The following KIRREL3 variants were observed in gnomAD, a reference collection of about 807,000 sequenced individuals.
The protein encoded by KIRREL3 is kin of IRRE-like protein 3.
In KIRREL3, 36 loss-of-function variants were observed where a neutral mutation model predicts 89.7. That is an observed-to-expected ratio of 0.40 (90% CI 0.31 to 0.53). The LOEUF (loss-of-function observed/expected upper bound fraction) is 0.53. Ranked by LOEUF, KIRREL3 falls within the 20% of genes least tolerant of loss-of-function variation. The pLI is 0.49. For missense variants in KIRREL3, 864 were observed against 1,056.6 expected (o/e 0.82, Z 2.53); for synonymous variants, 445 against 441.4 (o/e 1.01, Z -0.10).
In KIRREL3 at chr11:126,535,526, G is replaced by A. The variant is rs908365542; in HGVS notation, c.134-8839C>T. ...GGAAGGCGCAGATTACAAGGGCCAC[G>A]TCACTCGGTGTGATGGTCTTAGGGC... is the stretch of plus-strand genomic sequence containing the variant. On this transcript the variant is annotated intron_variant, in intron 2 of 16. Coordinates refer to ENST00000525144, the MANE Select transcript of KIRREL3 (RefSeq NM_032531.4). The surrounding 1 kb of genome is among the most constrained non-coding windows in gnomAD (Gnocchi z 4.5). Among the ~76,000 whole-genome samples the A allele has an allele frequency of 3.9e-5, 6 of 152,178 alleles. No homozygotes were observed. Among genetic ancestry groups the A allele is most frequent in the Non-Finnish European group, 8.8e-5 (6 of 68,038 alleles).
intron 1 of KIRREL3, among the ~76,000 whole-genome samples, chr11:126,638,062 A>T (rs1944333116): frequency 6.6e-6 from 1 of 152,222 alleles, no homozygotes; most frequent in African/African-American, 2.4e-5. Context: ...AGGCTCAACA[A>T]ATGGAAACCT....
rs1278677506 is a variant in KIRREL3 at position 126,520,999 on chromosome 11, T to C, written c.433+316A>G. On this transcript the variant is annotated intron_variant, in intron 4 of 16. Coordinates refer to ENST00000525144, the MANE Select transcript of KIRREL3 (RefSeq NM_032531.4). The surrounding 1 kb of genome is among the most constrained non-coding windows in gnomAD (Gnocchi z 4.9). ...GGCACGGAGCCTAGCCTAGATAACG[T>C]GTGCAGAGCATGCTTTCTGATGGAA... Among the ~76,000 whole-genome samples, 1 of 152,146 alleles carries C rather than the reference T, an allele frequency of 6.6e-6. No individual in the cohort carries two copies. The highest frequency in any genetic ancestry group is 1.9e-4 in the East Asian group (1 of 5,192).
In KIRREL3 at chr11:126,830,870, A is replaced by G. The variant is rs1210643142; in HGVS notation, c.55+169585T>C. On this transcript the variant is annotated intron_variant, in intron 1 of 16. Transcript: ENST00000525144. The surrounding 1 kb of genome is among the most constrained non-coding windows in gnomAD (Gnocchi z 4.9). The stretch of plus-strand genomic sequence containing the variant: ...TCCTTTATTAGAGCAATCAGAAAAA[A>G]GATCACATAATTACCAAGATGTTGC... Among the ~76,000 whole-genome samples, 1 of 152,212 alleles carries G rather than the reference A, an allele frequency of 6.6e-6. No homozygotes were observed. The highest frequency in any genetic ancestry group is 1.5e-5 in the Non-Finnish European group (1 of 68,042).
At position 126,890,073 on chromosome 11, in the gene KIRREL3, G is replaced by GC. The variant is rs1307369021; in HGVS notation, c.55+110381_55+110382insG. ...AATCACAAATAACTATCTGGTGGAG[G>GC]ATCTTGTGTCCTTTCATTCTAGGGG... On this transcript the variant is annotated intron_variant, in intron 1 of 16. Transcript: ENST00000525144. This position sits in a 1 kb window ranked among gnomAD's most constrained non-coding sequence, Gnocchi z 5.1. Among the ~76,000 whole-genome samples, 1 of 152,176 alleles carries GC rather than the reference G, an allele frequency of 6.6e-6. No homozygotes were observed. Among genetic ancestry groups the GC allele is most frequent in the African/African-American group, 2.4e-5 (1 of 41,428 alleles).
At chr11:126,741,315 A>G (rs918258308) in intron 1 of KIRREL3, among the ~76,000 whole-genome samples, 1 of 152,196 alleles carries the variant, frequency 6.6e-6, no homozygotes, top group African/African-American at 2.4e-5. Flanking sequence ...TTAATGATAC[A>G]GTCTTTATGG....
Position 126,709,189 on chromosome 11 carries a change from A to C in KIRREL3, c.56-146277T>G, listed in dbSNP as rs935605257. ...AAAGTGTGTTTGATTATCCTTAAGC[A>C]AAAAGGTCAAGAAATTATTAGATCA... On this transcript the variant is annotated intron_variant, in intron 1 of 16. Transcript: ENST00000525144. This position sits in a 1 kb window ranked among gnomAD's most constrained non-coding sequence, Gnocchi z 4.0. 6.6e-6 allele frequency among the ~76,000 whole-genome samples: 1 copy of C among 152,242 alleles called. No homozygotes were observed. The highest frequency in any genetic ancestry group is 1.5e-5 in the Non-Finnish European group (1 of 68,044).
At chr11:126,674,364 G>T (rs939504799) in intron 1 of KIRREL3, among the ~76,000 whole-genome samples, 1 of 152,204 alleles carries the variant, frequency 6.6e-6, no homozygotes, top group Admixed American at 6.5e-5. Context: ...GCCAGACCTT[G>T]TTCTCATAAG....
intron 1 of KIRREL3, among the ~76,000 whole-genome samples, chr11:126,971,399 G>A (rs1223128295): frequency 6.6e-6 from 1 of 152,152 alleles, no homozygotes; most frequent in African/African-American, 2.4e-5. Flanking sequence ...TAACAGCTAG[G>A]TGTGAAAATG....
At chr11:126,846,753 G>A (rs1045576055) in intron 1 of KIRREL3, among the ~76,000 whole-genome samples, 3 of 152,120 alleles carry the variant, frequency 2.0e-5, no homozygotes, top group African/African-American at 7.2e-5. Context: ...ATTATAAGAA[G>A]CTGTGAGAAT....
chr11:126,472,952 C>A (rs1388827700), intron 5 of KIRREL3, among the ~76,000 whole-genome samples: 1 of 118,546 alleles, frequency 8.4e-6, no homozygotes, highest in Non-Finnish European at 1.7e-5. Context: ...CTAAGCCCAG[C>A]CCCTCCCCAG....
intron 1 of KIRREL3, among the ~76,000 whole-genome samples, chr11:126,820,242 G>A (rs1943162057): frequency 6.6e-6 from 1 of 152,118 alleles, no homozygotes; most frequent in South Asian, 2.1e-4. Flanking sequence ...GAGTTTCAGG[G>A]TTAACCCGGA....
rs921025333 is a variant in KIRREL3, at chr11:126,570,534, C to T, written c.56-7622G>A. Among the ~76,000 whole-genome samples the T allele has an allele frequency of 2.6e-5, 4 of 152,314 alleles. No individual in the cohort carries two copies. The highest frequency in any genetic ancestry group is 3.9e-4 in the East Asian group (2 of 5,182). On this transcript the variant is annotated intron_variant, in intron 1 of 16. Transcript: ENST00000525144. The surrounding 1 kb of genome is among the most constrained non-coding windows in gnomAD (Gnocchi z 6.1). Reference sequence around the variant, plus strand: ...ACCCGCCAGCCCATCTCACCAGCTCCAGCAGGCAGCAAGCCTCCCTCACAC... The same window carrying T: ...ACCCGCCAGCCCATCTCACCAGCTCTAGCAGGCAGCAAGCCTCCCTCACAC...
At position 126,776,665 on chromosome 11, in the gene KIRREL3, G is replaced by C. The variant is rs1432846595; in HGVS notation, c.56-213753C>G. Among the ~76,000 whole-genome samples, 1 of 152,234 alleles carries C rather than the reference G, an allele frequency of 6.6e-6. No homozygotes were observed. Among genetic ancestry groups the C allele is most frequent in the African/African-American group, 2.4e-5 (1 of 41,456 alleles). On this transcript the variant is annotated intron_variant, in intron 1 of 16. Transcript: ENST00000525144. The surrounding 1 kb of genome is among the most constrained non-coding windows in gnomAD (Gnocchi z 4.7). ...TCTGGGACAAACCAAGGATTGTGGGGTCACAGAAGTCAACTGTTAAAACCT... is the reference window on the plus strand; with the variant it reads ...TCTGGGACAAACCAAGGATTGTGGGCTCACAGAAGTCAACTGTTAAAACCT...
chr11:126,557,816 G>T lies in KIRREL3; in HGVS notation c.133+5019C>A, dbSNP rs1939816717. 6.6e-6 allele frequency among the ~76,000 whole-genome samples: 1 copy of T among 152,178 alleles called. No homozygotes were observed. The highest frequency in any genetic ancestry group is 1.5e-5 in the Non-Finnish European group (1 of 68,032). On this transcript the variant is annotated intron_variant, in intron 2 of 16. Coordinates refer to ENST00000525144, the MANE Select transcript of KIRREL3 (RefSeq NM_032531.4). The surrounding 1 kb of genome is among the most constrained non-coding windows in gnomAD (Gnocchi z 5.6). ...GGCATTTGCACACAGAGCCTGGACT[G>T]GGACCACAGTGCTGTTCGGGAGCTG...
rs1244595191 is a variant in KIRREL3 at position 126,496,679 on chromosome 11, C to T, written c.434-23213G>A. 2.0e-5 allele frequency among the ~76,000 whole-genome samples: 3 copies of T among 152,040 alleles called. No individual in the cohort carries two copies. The highest frequency in any genetic ancestry group is 4.4e-5 in the Non-Finnish European group (3 of 68,014). ...AGGTGTCAAGAGACTGAGGGCTACT[C>T]TTGGCTTCTTGTATCTGCCAAAACC... is the stretch of plus-strand genomic sequence containing the variant. On this transcript the variant is annotated intron_variant, in intron 4 of 16. Transcript: ENST00000525144. This position sits in a 1 kb window ranked among gnomAD's most constrained non-coding sequence, Gnocchi z 4.9.
In KIRREL3 at chr11:126,997,710, G is replaced by C. The variant is rs1287420869; in HGVS notation, c.55+2745C>G. Among the ~76,000 whole-genome samples the C allele has an allele frequency of 2.0e-5, 3 of 152,222 alleles. No individual in the cohort carries two copies. Among genetic ancestry groups the C allele is most frequent in the Admixed American group, 2.0e-4 (3 of 15,280 alleles). ...TTAAGAGTTTATTTGTATCTTGAGA[G>C]CACTGCTTGGAGCACTCTCTCTGCA... On this transcript the variant is annotated intron_variant, in intron 1 of 16. Coordinates refer to ENST00000525144, the MANE Select transcript of KIRREL3 (RefSeq NM_032531.4). This position sits in a 1 kb window ranked among gnomAD's most constrained non-coding sequence, Gnocchi z 4.3.
intron 5 of KIRREL3, among the ~76,000 whole-genome samples, chr11:126,470,670 C>T (rs1304757074): frequency 6.6e-6 from 1 of 152,186 alleles, no homozygotes; most frequent in African/African-American, 2.4e-5. Context: ...CAAGGAAAAC[C>T]CTCAGACCTG....
chr11:126,997,790 C>T lies in KIRREL3; in HGVS notation c.55+2665G>A, dbSNP rs1406142453. Among the ~76,000 whole-genome samples the T allele has an allele frequency of 1.3e-5, 2 of 152,142 alleles. No individual in the cohort carries two copies. The highest frequency in any genetic ancestry group is 4.8e-5 in the African/African-American group (2 of 41,440). ...TTGGGAATCTTGTTCCCAGAAACTC[C>T]TAAGTGCCATGCAGATTCCCACTGT... On this transcript the variant is annotated intron_variant, in intron 1 of 16. Transcript: ENST00000525144. The surrounding 1 kb of genome is among the most constrained non-coding windows in gnomAD (Gnocchi z 4.3).
At chr11:126,721,697 A>C (rs1689994682) in intron 1 of KIRREL3, among the ~76,000 whole-genome samples, 1 of 152,316 alleles carries the variant, frequency 6.6e-6, no homozygotes, top group African/African-American at 2.4e-5. Flanking sequence ...TGCAGAGAGA[A>C]GTCAGGGGAT....
Sources: allele counts gnomAD v4.1 joint callset (sites outside exome capture counted in the v4.1 genomes callset), GRCh38; gene constraint gnomAD v4.1.1; non-coding constraint Gnocchi (gnomAD v3.1); transcripts MANE v1.5; gene names NCBI Gene and HGNC (gene_info 2026-07-23, HGNC 2026-07-21).